MYBPC1: variants seen among roughly 807,000 people sequenced by gnomAD.
MYBPC1 encodes myosin binding protein C1.
A neutral mutation model predicts 147.1 loss-of-function variants in MYBPC1; 52 were observed. The observed-to-expected ratio is 0.35, with a 90% CI of 0.28 to 0.45. The LOEUF (loss-of-function observed/expected upper bound fraction) is 0.45, where lower values mean the gene tolerates loss of function less well. Ranked by LOEUF, MYBPC1 falls within the 20% of genes least tolerant of loss-of-function variation. The pLI is 1.00. For missense variants in MYBPC1, 1,228 were observed against 1,440.3 expected (o/e 0.85, Z 2.39); for synonymous variants, 477 against 475.9 (o/e 1.00, Z -0.03).
Position 101,659,701 on chromosome 12 carries a change from A to T in MYBPC1, c.1797A>T (p.Arg599Ser). The change falls in exon 19 of 32, where the codon AGA (arginine) becomes AGT (serine). Residue 599 changes from arginine to serine, a missense_variant. Transcript: ENST00000361466. ...TTATGGAAGGCAGTGGCCGGATAAG[A>T]ACAGAATCTTACCCTGATAGCAGCA... ...KAIMEGSGRI[R>S]TESYPDSSTL... is the part of the protein sequence containing the mutation. 1 of 1,614,152 alleles carries T rather than the reference A, an allele frequency of 6.2e-7. No homozygotes were observed.
At chr12:101,614,582 C>T in intron 2 of MYBPC1, 51 bp downstream of exon 2, 1 of 1,595,612 alleles carries the variant, frequency 6.3e-7, no homozygotes, top group Non-Finnish European at 8.6e-7. Flanking sequence ...TACAGAGGGT[C>T]CATCCCAGCA....
intron 30 of MYBPC1, 38 bp downstream of exon 30, chr12:101,682,700 C>T: frequency 1.9e-6 from 3 of 1,546,920 alleles, no homozygotes; most frequent in Non-Finnish European, 2.7e-6. Flanking sequence ...ATTCTACTTT[C>T]CGTTCCATTC....
chr12:101,659,943 T>A, intron 19 of MYBPC1, 112 bp downstream of exon 19: 3 of 1,385,272 alleles, frequency 2.2e-6, no homozygotes, highest in Non-Finnish European at 3.0e-6. Context: ...CTTTCCCTTA[T>A]CTTCTTTTTT....
Position 101,680,448 on chromosome 12 carries a change from C to T in MYBPC1, c.3352C>T (p.Pro1118Ser). The change falls in exon 29 of 32, where the codon CCC becomes TCC. Residue 1118 changes from proline (P) to serine (S), a missense_variant. Coordinates refer to ENST00000361466, the MANE Select transcript of MYBPC1 (RefSeq NM_002465.4). ...TACCCTGGAAATTCGCAAGCCCAGC[C>T]CCTATGATGGAGGCACTTACTGCTG... is the stretch of plus-strand genomic sequence containing the variant. ...VCTLEIRKPS[P>S]YDGGTYCCKA... The T allele has an allele frequency of 6.2e-7, 1 of 1,614,110 alleles. No individual in the cohort carries two copies. The highest frequency in any genetic ancestry group is 8.5e-7 in the Non-Finnish European group (1 of 1,179,998).
Position 101,685,757 on chromosome 12 carries a change from T to A in MYBPC1, c.*195T>A. On this transcript the variant is annotated 3_prime_UTR_variant, in exon 32 of 32. Transcript: ENST00000361466. The stretch of plus-strand genomic sequence containing the variant: ...TTGAAATGAGAAAAAGCATTTTCTG[T>A]TTTCCCACCAGGCCCCCAAGTGTGG... The A allele has an allele frequency of 9.0e-7, 1 of 1,107,986 alleles. No homozygotes were observed. Among genetic ancestry groups the A allele is most frequent in the Non-Finnish European group, 1.3e-6 (1 of 790,090 alleles). The allele number at this position is 1,107,986 out of a possible 1,614,324, so 68.6% of individuals were successfully genotyped here.
downstream of MYBPC1, among the ~76,000 whole-genome samples, chr12:101,686,440 T>G (rs531420402): frequency 6.6e-6 from 1 of 152,318 alleles, no homozygotes; most frequent in South Asian, 2.1e-4. Flanking sequence ...ACAACAGACC[T>G]ATTACAGAGT....
chr12:101,688,110 G>A (rs1049265997), downstream of MYBPC1, among the ~76,000 whole-genome samples: 2 of 151,966 alleles, frequency 1.3e-5, no homozygotes, highest in Non-Finnish European at 2.9e-5. Context: ...AATTCTTTTG[G>A]GGAACTAAAC....
rs567543396 is a variant in MYBPC1 at position 101,684,575 on chromosome 12, T to C, written c.*19+151T>C. 1.4e-4 allele frequency among the ~76,000 whole-genome samples: 21 copies of C among 152,338 alleles called. No homozygotes were observed. The South Asian group carries it at 4.1e-3, about 30-fold the overall frequency. On this transcript the variant is annotated intron_variant, in intron 31 of 31. Coordinates refer to ENST00000361466, the MANE Select transcript of MYBPC1 (RefSeq NM_002465.4). ...TTTGTAGTTTTAATTTGTATTTCAC[T>C]ATCTTGAAATTAACAGCTAGTACTT...
the MYBPC1 span, among the ~76,000 whole-genome samples, chr12:101,694,934 T>C: frequency 6.6e-6 from 1 of 152,228 alleles, no homozygotes; most frequent in Admixed American, 6.5e-5. Flanking sequence ...TTACAGCTTT[T>C]AGTTATTGTA....
intron 6 of MYBPC1, among the ~76,000 whole-genome samples, chr12:101,631,073 C>A (rs1889782927): frequency 6.6e-6 from 1 of 152,268 alleles, no homozygotes; most frequent in South Asian, 2.1e-4. Context: ...AAACAGATTG[C>A]AGGTTTACTT....
intron 1 of MYBPC1, among the ~76,000 whole-genome samples, chr12:101,598,321 A>G (rs1167674246): frequency 6.6e-6 from 1 of 152,162 alleles, no homozygotes; most frequent in Non-Finnish European, 1.5e-5. Context: ...TGCCCGGCCA[A>G]GAAATCACCT....
chr12:101,675,770 T>A (rs1899823101), intron 26 of MYBPC1, among the ~76,000 whole-genome samples: 1 of 152,246 alleles, frequency 6.6e-6, no homozygotes, highest in Non-Finnish European at 1.5e-5. Context: ...TCAGTAGAAT[T>A]CAATAAACTC....
At position 101,663,972 on chromosome 12, in the gene MYBPC1, A is replaced by C. The variant is rs567689762; in HGVS notation, c.2356+412A>C. On this transcript the variant is annotated intron_variant, in intron 22 of 31. Transcript: ENST00000361466. The stretch of plus-strand genomic sequence containing the variant: ...ATCAAAAGAGTGACCTATTTTGGGT[A>C]ATAAAGGGAGACTACATATTTGGCT... Among the ~76,000 whole-genome samples the C allele has an allele frequency of 4.6e-5, 7 of 152,332 alleles. No homozygotes were observed. In the East Asian group the frequency reaches 1.3e-3, roughly 29 times the overall value.
chr12:101,692,042 G>C, the MYBPC1 span, among the ~76,000 whole-genome samples: 6 of 152,312 alleles, frequency 3.9e-5, no homozygotes, highest in Non-Finnish European at 8.8e-5. Context: ...AGTGTGCTAG[G>C]AATAATAAGG....
At chr12:101,640,075 C>T (rs946261667) in intron 10 of MYBPC1, among the ~76,000 whole-genome samples, 17 of 152,082 alleles carry the variant, frequency 1.1e-4, no homozygotes, top group East Asian at 5.8e-4. Flanking sequence ...AGTACAATGG[C>T]GCAATCTTGG....
In MYBPC1 at chr12:101,652,658, C is replaced by T. The variant is rs762902739; in HGVS notation, c.1527-20C>T. The T allele has an allele frequency of 1.3e-5, 20 of 1,547,940 alleles. No homozygotes were observed. The highest frequency in any genetic ancestry group is 2.7e-5 in the African/African-American group (2 of 73,460). On this transcript the variant is annotated intron_variant, in intron 16 of 31. Transcript: ENST00000361466. The stretch of plus-strand genomic sequence containing the variant: ...CTAGATCTTTGGAGTCTTAGAAATA[C>T]ATTTTCCTTGTTTCCTTAGGATCCA...
chr12:101,682,526 T>C, intron 29 of MYBPC1, 78 bp from the exon 30 acceptor site: 1 of 1,366,410 alleles, frequency 7.3e-7, no homozygotes, highest in Non-Finnish European at 1.0e-6. Flanking sequence ...GTAACTTGAA[T>C]CAAGTTGAGT....
intron 18 of MYBPC1, among the ~76,000 whole-genome samples, chr12:101,654,633 C>T (rs142721317): frequency 2.0e-4 from 30 of 152,244 alleles, no homozygotes; most frequent in Middle Eastern, 6.8e-3. Context: ...CAGAGGAACA[C>T]GCTCAAGTAT....
At chr12:101,617,324 C>A in intron 3 of MYBPC1, 81 bp downstream of exon 3, 1 of 1,430,706 alleles carries the variant, frequency 7.0e-7, no homozygotes, top group Non-Finnish European at 9.8e-7. Context: ...GTCATGGTGG[C>A]TCCATAGAAT....
Sources: allele counts gnomAD v4.1 joint callset (sites outside exome capture counted in the v4.1 genomes callset), GRCh38; gene constraint gnomAD v4.1.1; transcripts MANE v1.5; gene names NCBI Gene and HGNC (gene_info 2026-07-23, HGNC 2026-07-21).